Variants in RAB11FIP2 observed in about 807,000 individuals in gnomAD.
RAB11FIP2 encodes RAB11 family interacting protein 2.
A neutral mutation model predicts 40.9 loss-of-function variants in RAB11FIP2; 16 were observed. The ratio of observed to expected loss-of-function variants is 0.39; its 90% CI spans 0.26 to 0.59. The LOEUF (loss-of-function observed/expected upper bound fraction) is 0.59. Ranked by LOEUF, RAB11FIP2 falls within the 20% of genes least tolerant of loss-of-function variation. RAB11FIP2 has a pLI of 0.53. For missense variants in RAB11FIP2, 532 were observed against 606.2 expected (o/e 0.88, Z 1.28); for synonymous variants, 228 against 213.7 (o/e 1.07, Z -0.58).
chr10:118,011,965 A>G (rs1846161347), intron 4 of RAB11FIP2, among the ~76,000 whole-genome samples: 1 of 151,996 alleles, frequency 6.6e-6, no homozygotes, highest in African/African-American at 2.4e-5. Context: ...CAAACTAATT[A>G]AGCTATGAAA....
chr10:118,023,415 C>CA (rs1250832931), intron 3 of RAB11FIP2, among the ~76,000 whole-genome samples: 1 of 151,750 alleles, frequency 6.6e-6, no homozygotes, highest in Admixed American at 6.6e-5. Context: ...TAGAAAAAAG[C>CA]AAAAAACTCA....
chr10:118,040,669 G>A, intron 1 of RAB11FIP2, 104 bp from the exon 2 acceptor site: 1 of 770,994 alleles, frequency 1.3e-6, no homozygotes, highest in Non-Finnish European at 2.0e-6. Flanking sequence ...TATACATCAA[G>A]GCAACCTAAG....
intron 3 of RAB11FIP2, among the ~76,000 whole-genome samples, chr10:118,030,042 AG>A (rs1846394288): frequency 6.6e-6 from 1 of 152,206 alleles, no homozygotes; most frequent in Non-Finnish European, 1.5e-5. Context: ...AATTTGCAAT[AG>A]GCAATTTTAG....
chr10:118,042,223 C>T (rs979161570), intron 1 of RAB11FIP2, among the ~76,000 whole-genome samples: 1 of 151,836 alleles, frequency 6.6e-6, no homozygotes, highest in African/African-American at 2.4e-5. Context: ...CAAACAAAAA[C>T]GAGCACGTAT....
chr10:118,012,829 T>A (rs1846173963), intron 4 of RAB11FIP2, among the ~76,000 whole-genome samples: 2 of 152,166 alleles, frequency 1.3e-5, no homozygotes, highest in South Asian at 4.1e-4. Flanking sequence ...GATGTTTTCT[T>A]ATTTTGAAAT....
chr10:118,008,913 G>C lies in RAB11FIP2; in HGVS notation c.*85C>G. ...ATATGTAATGAAACCTGATAGTGTA[G>C]TCTCTTTCAGTAACAAGTTTTTCCT... On this transcript the variant is annotated 3_prime_UTR_variant, in exon 5 of 5. Transcript: ENST00000355624. The C allele has an allele frequency of 3.7e-6, 4 of 1,082,830 alleles. No homozygotes were observed. Among genetic ancestry groups the C allele is most frequent in the Non-Finnish European group, 1.4e-6 (1 of 725,170 alleles). 67.1% of individuals were successfully genotyped at this position (1,082,830 alleles called of 1,614,324 possible).
rs1398168247 is a variant in RAB11FIP2, at chr10:118,006,395, ACT to A, written c.*2601_*2602del. The stretch of plus-strand genomic sequence containing the variant: ...CTTTAAAGCATAAAAGCAAAAATAA[ACT>A]CTATAATCTAGTGTACTGTGCATTA... On this transcript the variant is annotated 3_prime_UTR_variant, in exon 5 of 5. Coordinates refer to ENST00000355624, the MANE Select transcript of RAB11FIP2 (RefSeq NM_014904.3). The A allele has an allele frequency of 1.3e-4, 20 of 152,452 alleles. No homozygotes were observed. The highest frequency in any genetic ancestry group is 4.6e-4 in the African/African-American group (19 of 41,408). The allele number at this position is 152,452 out of a possible 1,614,324, so 9.4% of individuals were successfully genotyped here. A position where few individuals can be genotyped will look rare whatever the true frequency, so the allele number is the denominator to read the frequency against.
intron 3 of RAB11FIP2, among the ~76,000 whole-genome samples, chr10:118,020,409 C>A (rs868694433): frequency 1.3e-5 from 2 of 152,180 alleles, no homozygotes; most frequent in Non-Finnish European, 2.9e-5. Flanking sequence ...AATAACTGTG[C>A]TCTTGATTTT....
At chr10:118,042,749 C>T (rs1169192186) in intron 1 of RAB11FIP2, among the ~76,000 whole-genome samples, 1 of 151,864 alleles carries the variant, frequency 6.6e-6, no homozygotes, top group Non-Finnish European at 1.5e-5. Context: ...TAGTAGGAAA[C>T]TGTAAAGACC....
chr10:118,026,755 A>G (rs1466736101), intron 3 of RAB11FIP2, among the ~76,000 whole-genome samples: 4 of 152,238 alleles, frequency 2.6e-5, no homozygotes, highest in South Asian at 2.1e-4. Context: ...ATTTCTGAAC[A>G]TAAGACTTTA....
chr10:118,039,990 A>G (rs1213995346), intron 2 of RAB11FIP2, 133 bp downstream of exon 2: 8 of 774,244 alleles, frequency 1.0e-5, no homozygotes, highest in South Asian at 3.8e-5. Context: ...TAGGTACTCA[A>G]TATTTGATGA....
intron 3 of RAB11FIP2, among the ~76,000 whole-genome samples, chr10:118,027,141 C>T (rs543467912): frequency 3.8e-4 from 58 of 152,150 alleles, no homozygotes; most frequent in African/African-American, 1.4e-3. Flanking sequence ...AAACACTACC[C>T]TCAGCACTTT....
intron 3 of RAB11FIP2, chr10:118,034,152 G>C (rs1044221279): frequency 3.1e-6 from 2 of 655,158 alleles, no homozygotes; most frequent in East Asian, 2.8e-5. Flanking sequence ...GGCTGTGTTC[G>C]AACAAAACTT....
At chr10:118,021,967 T>C (rs948288851) in intron 3 of RAB11FIP2, among the ~76,000 whole-genome samples, 6 of 152,190 alleles carry the variant, frequency 3.9e-5, no homozygotes, top group African/African-American at 1.4e-4. Context: ...ACTACCAATC[T>C]CTTTACCCTT....
intron 3 of RAB11FIP2, among the ~76,000 whole-genome samples, chr10:118,022,032 T>A (rs1427197045): frequency 6.6e-6 from 1 of 152,236 alleles, no homozygotes; most frequent in African/African-American, 2.4e-5. Context: ...ATATCCTACC[T>A]GTCCCTGAAA....
intron 3 of RAB11FIP2, among the ~76,000 whole-genome samples, chr10:118,036,204 C>A (rs12412652): frequency 2.6e-5 from 4 of 152,026 alleles, no homozygotes; most frequent in Admixed American, 2.0e-4. Flanking sequence ...CACAAGTGAG[C>A]CAGTTCACTC....
At chr10:118,024,215 C>A (rs1430043307) in intron 3 of RAB11FIP2, among the ~76,000 whole-genome samples, 1 of 152,046 alleles carries the variant, frequency 6.6e-6, no homozygotes, top group Non-Finnish European at 1.5e-5. Flanking sequence ...AAGCTTCTCA[C>A]CCTTTTTTCT....
At chr10:118,039,558 T>C in intron 2 of RAB11FIP2, 118 bp from the exon 3 acceptor site, 1 of 850,968 alleles carries the variant, frequency 1.2e-6, no homozygotes, top group Non-Finnish European at 1.8e-6. Context: ...TTAAATGTAT[T>C]AACCTTCAAA....
chr10:118,010,016 A>C (rs1213228638), intron 4 of RAB11FIP2, among the ~76,000 whole-genome samples: 1 of 152,150 alleles, frequency 6.6e-6, no homozygotes, highest in Non-Finnish European at 1.5e-5. Context: ...AGGCAAAAGC[A>C]TAAATATAAC....
Sources: allele counts gnomAD v4.1 joint callset (sites outside exome capture counted in the v4.1 genomes callset), GRCh38; gene constraint gnomAD v4.1.1; transcripts MANE v1.5; gene names NCBI Gene and HGNC (gene_info 2026-07-23, HGNC 2026-07-21).